The following KALRN variants were observed in gnomAD, a reference collection of about 807,000 sequenced individuals.
KALRN encodes the protein kalirin RhoGEF kinase, also known as kalirin.
Under a neutral mutation model 353.7 loss-of-function variants are expected in KALRN, and 70 were observed. That is an observed-to-expected ratio of 0.20 (90% CI 0.16 to 0.24). KALRN has a LOEUF of 0.24. Ranked by LOEUF, KALRN falls within the 10% of genes least tolerant of loss-of-function variation. The pLI is 1.00. For synonymous variants in KALRN, 1,391 were observed against 1,434.8 expected (o/e 0.97, Z 0.69); for missense variants, 2,791 against 3,756.7 (o/e 0.74, Z 6.72).
At chr3:124,457,553 G>T (rs183630955) in intron 23 of KALRN, among the ~76,000 whole-genome samples, 31 of 152,132 alleles carry the variant, frequency 2.0e-4, no homozygotes, top group African/African-American at 7.5e-4. Flanking sequence ...TACTCTTCCT[G>T]CCACCAGCAC....
intron 33 of KALRN, among the ~76,000 whole-genome samples, chr3:124,507,726 G>A (rs1036267478): frequency 3.3e-5 from 5 of 152,184 alleles, no homozygotes; most frequent in South Asian, 2.1e-4. Context: ...TATGAAGGGG[G>A]ACAGTTGTAC....
chr3:124,149,847 A>G (rs369117835), intron 1 of KALRN, among the ~76,000 whole-genome samples: 1 of 152,248 alleles, frequency 6.6e-6, no homozygotes, highest in Non-Finnish European at 1.5e-5. Context: ...TACACACGGC[A>G]GAGTAGGGAA....
At chr3:124,386,362 A>G (rs2088310998) in intron 11 of KALRN, among the ~76,000 whole-genome samples, 1 of 152,296 alleles carries the variant, frequency 6.6e-6, no homozygotes, top group South Asian at 2.1e-4. Context: ...GGAATGGAGT[A>G]TGAATGAACA....
intron 1 of KALRN, among the ~76,000 whole-genome samples, chr3:124,108,944 G>T (rs545349362): frequency 6.6e-6 from 1 of 152,066 alleles, no homozygotes; most frequent in Non-Finnish European, 1.5e-5. Flanking sequence ...GGATGCTTTT[G>T]GCTGCAGGTA....
chr3:124,581,564 A>G (rs550570305), intron 34 of KALRN, among the ~76,000 whole-genome samples: 33 of 152,308 alleles, frequency 2.2e-4, no homozygotes, highest in African/African-American at 7.9e-4. Context: ...CTTGCAAAGA[A>G]TTGTGACAAA....
At chr3:124,148,217 T>C (rs2067625797) in intron 1 of KALRN, among the ~76,000 whole-genome samples, 2 of 152,202 alleles carry the variant, frequency 1.3e-5, no homozygotes. Flanking sequence ...TTTTTGTTTT[T>C]AGTACTAGAT....
chr3:124,050,583 G>A (rs1577575172), intron 1 of KALRN, among the ~76,000 whole-genome samples: 1 of 152,298 alleles, frequency 6.6e-6, no homozygotes, highest in African/African-American at 2.4e-5. Flanking sequence ...CTGAACTCTG[G>A]TTGAGCCTTA....
intron 3 of KALRN, among the ~76,000 whole-genome samples, chr3:124,261,176 C>A (rs776603684): frequency 1.3e-5 from 2 of 152,036 alleles, no homozygotes; most frequent in Non-Finnish European, 2.9e-5. Flanking sequence ...ATGCGTGAGC[C>A]AGCCTGAGCT....
At chr3:124,560,873 T>C (rs2071909502) in intron 33 of KALRN, among the ~76,000 whole-genome samples, 1 of 152,132 alleles carries the variant, frequency 6.6e-6, no homozygotes, top group Non-Finnish European at 1.5e-5. Context: ...TGAGACCCTG[T>C]CTGGGGGCAG....
intron 3 of KALRN, among the ~76,000 whole-genome samples, chr3:124,241,406 A>G (rs1396948498): frequency 1.3e-5 from 2 of 152,200 alleles, no homozygotes; most frequent in Non-Finnish European, 2.9e-5. Flanking sequence ...TGACTCTGAG[A>G]ACTCCAAACC....
intron 1 of KALRN, chr3:124,162,343 G>A (rs1578805695): frequency 6.6e-6 from 1 of 152,164 alleles, no homozygotes; most frequent in East Asian, 1.9e-4. Context: ...AGGAGTGAGA[G>A]CCAGTGTGAA....
chr3:124,078,806 A>G (rs1300924480), intron 1 of KALRN, among the ~76,000 whole-genome samples: 1 of 152,206 alleles, frequency 6.6e-6, no homozygotes, highest in African/African-American at 2.4e-5. Context: ...GGTTTTCTGA[A>G]GTGATCTCTC....
At chr3:124,364,155 C>T (rs1179222932) in intron 10 of KALRN, among the ~76,000 whole-genome samples, 1 of 152,178 alleles carries the variant, frequency 6.6e-6, no homozygotes, top group Non-Finnish European at 1.5e-5. Flanking sequence ...CACATTAACA[C>T]CACTGCTTAA....
chr3:124,404,604 A>T (rs2091293300), intron 13 of KALRN, among the ~76,000 whole-genome samples: 1 of 151,968 alleles, frequency 6.6e-6, no homozygotes, highest in South Asian at 2.1e-4. Context: ...ACTTAAAAAA[A>T]AAAAACTTCA....
At position 124,446,916 on chromosome 3, in the gene KALRN, C is replaced by G. The variant is rs200094624; in HGVS notation, c.3552+31C>G. 42 of 1,604,348 alleles carry G rather than the reference C, an allele frequency of 2.6e-5. No homozygotes were observed. The Admixed American group carries it at 5.3e-4, about 20-fold the overall frequency. On this transcript the variant is annotated intron_variant, in intron 21 of 59. Transcript: ENST00000682506. ...AAACATCCCAGAGCCTCCCCCAGAT[C>G]CACCCAGAACTCTCCATTCTGGCCA... is the stretch of plus-strand genomic sequence containing the variant.
intron 42 of KALRN, among the ~76,000 whole-genome samples, chr3:124,658,920 C>G (rs57220091): frequency 0.023 from 3,527 of 152,184 alleles, 65 homozygotes; most frequent in East Asian, 0.078. Context: ...TTGGTCTAGC[C>G]CAGAAGGATT....
intron 21 of KALRN, 104 bp from the exon 22 acceptor site, chr3:124,455,073 G>T: frequency 8.0e-7 from 1 of 1,253,898 alleles, no homozygotes; most frequent in Admixed American, 2.0e-5. Flanking sequence ...CAGGTAGTCA[G>T]CTATGAGGTA....
At chr3:124,588,476 G>A (rs1178416182) in intron 34 of KALRN, among the ~76,000 whole-genome samples, 4 of 152,200 alleles carry the variant, frequency 2.6e-5, no homozygotes, top group South Asian at 2.1e-4. Context: ...CCAGGCTGGA[G>A]TGCAGTGGGA....
At chr3:124,645,130 G>T (rs990675528) in intron 37 of KALRN, among the ~76,000 whole-genome samples, 3 of 152,178 alleles carry the variant, frequency 2.0e-5, no homozygotes, top group African/African-American at 7.2e-5. Flanking sequence ...GTCTTCTTTT[G>T]ATAAGTGTCT....
Sources: allele counts gnomAD v4.1 joint callset (sites outside exome capture counted in the v4.1 genomes callset), GRCh38; gene constraint gnomAD v4.1.1; transcripts MANE v1.5; gene names NCBI Gene and HGNC (gene_info 2026-07-23, HGNC 2026-07-21).